Variants in GPR158 observed in about 807,000 individuals in gnomAD.
GPR158 encodes metabotropic glycine receptor.
Under a neutral mutation model 78.2 loss-of-function variants are expected in GPR158, and 30 were observed. The ratio of observed to expected loss-of-function variants is 0.38; its 90% confidence interval spans 0.29 to 0.52. The LOEUF (loss-of-function observed/expected upper bound fraction) is 0.52, where lower values mean the gene tolerates loss of function less well. Ranked by LOEUF, GPR158 falls within the 20% of genes least tolerant of loss-of-function variation. The probability of loss-of-function intolerance (pLI) is 0.83; values close to 1 mark genes in which losing one functional copy is unlikely to be tolerated. For synonymous variants in GPR158, 581 were observed against 591.1 expected (o/e 0.98, Z 0.25); for missense variants, 1,463 against 1,523.5 (o/e 0.96, Z 0.66).
chr10:25,191,319 C>T (rs987161113), intron 1 of GPR158, among the ~76,000 whole-genome samples: 1 of 152,118 alleles, frequency 6.6e-6, no homozygotes, highest in African/African-American at 2.4e-5. Context: ...ATGGCTGCAG[C>T]GAACTTGCAG....
At chr10:25,463,098 C>G (rs1835377467) in intron 4 of GPR158, among the ~76,000 whole-genome samples, 1 of 152,152 alleles carries the variant, frequency 6.6e-6, no homozygotes, top group South Asian at 2.1e-4. Context: ...TCAGTAGCCA[C>G]CACCCTTATC....
intron 5 of GPR158, among the ~76,000 whole-genome samples, chr10:25,476,100 CAG>C (rs1835580123): frequency 6.6e-6 from 1 of 152,064 alleles, no homozygotes. Flanking sequence ...TATTGGGTAG[CAG>C]AGAGCTGAAG....
intron 4 of GPR158, among the ~76,000 whole-genome samples, chr10:25,441,869 T>C (rs940725414): frequency 2.0e-5 from 3 of 152,164 alleles, no homozygotes; most frequent in South Asian, 2.1e-4. Flanking sequence ...TGGCTTTCCT[T>C]AGTCAGGGAG....
At chr10:25,400,907 G>A (rs1279491360) in intron 3 of GPR158, among the ~76,000 whole-genome samples, 1 of 152,074 alleles carries the variant, frequency 6.6e-6, no homozygotes, top group African/African-American at 2.4e-5. Flanking sequence ...GAGAAGATGC[G>A]ACGGGAGGAA....
chr10:25,266,050 C>T (rs922024434), intron 2 of GPR158, among the ~76,000 whole-genome samples: 1 of 152,074 alleles, frequency 6.6e-6, no homozygotes, highest in African/African-American at 2.4e-5. Flanking sequence ...GGGCAGGTTC[C>T]TTCTTTATCT....
chr10:25,200,356 A>C (rs1251160992), intron 1 of GPR158, among the ~76,000 whole-genome samples: 3 of 151,838 alleles, frequency 2.0e-5, no homozygotes, highest in African/African-American at 7.3e-5. Context: ...ACTTTTTAAT[A>C]AGGTTGTCTG....
intron 2 of GPR158, among the ~76,000 whole-genome samples, chr10:25,240,683 T>C (rs1437680702): frequency 2.0e-5 from 3 of 152,232 alleles, no homozygotes; most frequent in Non-Finnish European, 4.4e-5. Flanking sequence ...AGCAGAACTT[T>C]ATATCATGTA....
At chr10:25,532,492 T>C (rs1419493701) in intron 5 of GPR158, among the ~76,000 whole-genome samples, 2 of 152,230 alleles carry the variant, frequency 1.3e-5, no homozygotes, top group African/African-American at 4.8e-5. Context: ...TGTTTCTTTG[T>C]TGAGGTCTGG....
chr10:25,203,873 G>T lies in GPR158; in HGVS notation c.903-17179G>T, dbSNP rs1015066805. On this transcript the variant is annotated intron_variant, in intron 1 of 10. Transcript: ENST00000376351. ...GCAGTTTGGCCATTTTCACAATATT[G>T]ATTCTTCCTATCCATGAGCATGGAA... 1.3e-4 allele frequency among the ~76,000 whole-genome samples: 19 copies of T among 144,316 alleles called. 2 individuals carry two copies. The highest frequency in any genetic ancestry group is 9.0e-5 in the Non-Finnish European group (6 of 66,728). The allele number at this position is 144,316 out of a possible 152,430, so 94.7% of individuals were successfully genotyped here.
chr10:25,316,495 T>G (rs1371521215), intron 2 of GPR158, among the ~76,000 whole-genome samples: 1 of 152,232 alleles, frequency 6.6e-6, no homozygotes, highest in African/African-American at 2.4e-5. Context: ...CACCTACTAT[T>G]GCATTGTGTG....
chr10:25,273,830 C>CA, intron 2 of GPR158, among the ~76,000 whole-genome samples: 1 of 152,058 alleles, frequency 6.6e-6, no homozygotes, highest in Middle Eastern at 3.4e-3. Flanking sequence ...TAGATGCGCG[C>CA]CACCACACCC....
chr10:25,292,172 A>T (rs1253992403), intron 2 of GPR158, among the ~76,000 whole-genome samples: 1 of 152,044 alleles, frequency 6.6e-6, no homozygotes, highest in Non-Finnish European at 1.5e-5. Context: ...TTTATAAAAT[A>T]ATAGACAGTG....
intron 5 of GPR158, among the ~76,000 whole-genome samples, chr10:25,480,116 T>C (rs1835645912): frequency 6.6e-6 from 1 of 152,198 alleles, no homozygotes; most frequent in East Asian, 1.9e-4. Flanking sequence ...TATCTTTTTC[T>C]TTGAGTTTAT....
At chr10:25,267,842 T>A (rs939392263) in intron 2 of GPR158, among the ~76,000 whole-genome samples, 1 of 152,146 alleles carries the variant, frequency 6.6e-6, no homozygotes, top group Non-Finnish European at 1.5e-5. Flanking sequence ...AAATTATTTT[T>A]TAATAATATT....
intron 2 of GPR158, among the ~76,000 whole-genome samples, chr10:25,348,693 A>G (rs1268695943): frequency 2.6e-5 from 4 of 151,980 alleles, no homozygotes; most frequent in African/African-American, 9.7e-5. Context: ...AGTATCCTCC[A>G]AAAGATTCCT....
intron 2 of GPR158, among the ~76,000 whole-genome samples, chr10:25,389,103 A>G (rs1294580087): frequency 6.6e-6 from 1 of 152,232 alleles, no homozygotes; most frequent in African/African-American, 2.4e-5. Context: ...GAATGGTGGC[A>G]GGCATCAGAC....
chr10:25,590,671 C>A (rs1365592041), intron 8 of GPR158, among the ~76,000 whole-genome samples: 1 of 152,148 alleles, frequency 6.6e-6, no homozygotes, highest in African/African-American at 2.4e-5. Context: ...ACTAACAAAT[C>A]AACTAAAGTT....
At chr10:25,534,014 A>T (rs550985359) in intron 5 of GPR158, among the ~76,000 whole-genome samples, 1 of 152,358 alleles carries the variant, frequency 6.6e-6, no homozygotes, top group African/African-American at 2.4e-5. Context: ...ACTGGAATAT[A>T]ACATGAATTC....
intron 2 of GPR158, among the ~76,000 whole-genome samples, chr10:25,251,614 T>G (rs1354075728): frequency 6.6e-6 from 1 of 150,994 alleles, no homozygotes; most frequent in Non-Finnish European, 1.5e-5. Context: ...TTGAAAATTC[T>G]TTTCTTTAAG....
Sources: allele counts gnomAD v4.1 joint callset (sites outside exome capture counted in the v4.1 genomes callset), GRCh38; gene constraint gnomAD v4.1.1; transcripts MANE v1.5; gene names NCBI Gene and HGNC (gene_info 2026-07-23, HGNC 2026-07-21).